Variants in ATN1 observed in about 807,000 individuals in gnomAD.
ATN1 encodes atrophin-1.
In ATN1, 19 loss-of-function variants were observed where a neutral mutation model predicts 85.8. The ratio of observed to expected loss-of-function variants is 0.22; its 90% confidence interval spans 0.15 to 0.32. The LOEUF (loss-of-function observed/expected upper bound fraction) is 0.32, where lower values mean the gene tolerates loss of function less well. Among genes scored for constraint, ATN1 ranks in the 10% least tolerant of loss-of-function variants. The pLI is 1.00. For synonymous variants in ATN1, 674 were observed against 657.0 expected (o/e 1.03, Z -0.39); for missense variants, 1,453 against 1,564.5 (o/e 0.93, Z 1.20).
Position 6,937,629 on chromosome 12 carries a change from G to A in ATN1, c.2294+68G>A. 6.9e-7 allele frequency: 1 copy of A among 1,439,922 alleles called. No individual in the cohort carries two copies. Among genetic ancestry groups the A allele is most frequent in the Non-Finnish European group, 9.1e-7 (1 of 1,095,660 alleles). 89.2% of individuals were successfully genotyped at this position (1,439,922 alleles called of 1,614,324 possible). A position where few individuals can be genotyped will look rare whatever the true frequency, so the allele number is the denominator to read the frequency against. ...GACGACAAGGCGGCGACGAGAGAGGGAGTAGCAGGGAGGGGCCTTGCGCTG... is the reference window on the plus strand; with the variant it reads ...GACGACAAGGCGGCGACGAGAGAGGAAGTAGCAGGGAGGGGCCTTGCGCTG... On this transcript the variant is annotated intron_variant, in intron 5 of 9. Coordinates refer to ENST00000396684, the MANE Select transcript of ATN1 (RefSeq NM_001940.4). This position sits in a 1 kb window ranked among gnomAD's most constrained non-coding sequence, Gnocchi z 6.0.
intron 1 of ATN1, among the ~76,000 whole-genome samples, 154 bp downstream of exon 1, chr12:6,928,538 C>T (rs1410131440): frequency 6.7e-6 from 1 of 149,420 alleles, no homozygotes; most frequent in African/African-American, 2.4e-5. Flanking sequence ...CCACTGCGGG[C>T]TCTGCCTGGC....
In ATN1 at chr12:6,941,453, G is replaced by C; in HGVS notation, c.3438G>C (p.Gln1146His). The C allele has an allele frequency of 6.2e-7, 1 of 1,612,878 alleles. No individual in the cohort carries two copies. Among genetic ancestry groups the C allele is most frequent in the Non-Finnish European group, 8.5e-7 (1 of 1,179,894 alleles). Residue 1146 changes from glutamine (Q) to histidine (H), a missense_variant, in exon 9 of 10, where the codon CAG becomes CAC. Coordinates refer to ENST00000396684, the MANE Select transcript of ATN1 (RefSeq NM_001940.4). This position sits in a 1 kb window ranked among gnomAD's most constrained non-coding sequence, Gnocchi z 5.9. ...ATCAGCTGCAGGCCATGCACGCACA[G>C]TCAGCTGAGCTGCAGCGCTTGGCGC... ...AAHQLQAMHA[Q>H]SAELQRLALE...
In ATN1 at chr12:6,935,557, C is replaced by G. The variant is rs781839521; in HGVS notation, c.290C>G (p.Pro97Arg). The G allele has an allele frequency of 7.5e-6, 12 of 1,609,676 alleles. No individual in the cohort carries two copies. In the South Asian group the frequency reaches 1.2e-4, roughly 16 times the overall value. ...PKKTKTEQELPRPQSPSDLDS... is the reference protein window; with the variant it reads ...PKKTKTEQELRRPQSPSDLDS... ...TTCCCTTTTCTACAGCAGGAACTCC[C>G]TCGGCCACAGTCTCCCTCCGATCTG... is the stretch of plus-strand genomic sequence containing the variant. Residue 97 changes from proline to arginine, a missense_variant, in exon 5 of 10, where the codon CCT becomes CGT. Physicochemically the swap from Pro to Arg is moderately radical, Grantham distance 103. Coordinates refer to ENST00000396684, the MANE Select transcript of ATN1 (RefSeq NM_001940.4). The surrounding 1 kb of genome is among the most constrained non-coding windows in gnomAD (Gnocchi z 5.3).
rs1464165564 is a variant in ATN1, at chr12:6,935,729, C to G, written c.462C>G (p.Gly154=). ...DSDSSSGLSQ[G]PARPYHPPPL... is the part of the protein sequence containing the mutation. Reference sequence around the variant, plus strand: ...ACTCATCTTCTGGCCTGTCCCAGGGCCCAGCCCGCCCCTACCACCCACCTC... The same window carrying G: ...ACTCATCTTCTGGCCTGTCCCAGGGGCCAGCCCGCCCCTACCACCCACCTC... Residue 154 remains glycine, a synonymous_variant, in exon 5 of 10, where the codon GGC becomes GGG. Coordinates refer to ENST00000396684, the MANE Select transcript of ATN1 (RefSeq NM_001940.4). The surrounding 1 kb of genome is among the most constrained non-coding windows in gnomAD (Gnocchi z 5.3). The G allele has an allele frequency of 1.9e-6, 3 of 1,613,708 alleles. No homozygotes were observed. Among genetic ancestry groups the G allele is most frequent in the Non-Finnish European group, 2.5e-6 (3 of 1,179,858 alleles).
chr12:6,933,907 C>A lies in ATN1; in HGVS notation c.-95C>A. 6.7e-7 allele frequency: 1 copy of A among 1,493,138 alleles called. No homozygotes were observed. Among genetic ancestry groups the A allele is most frequent in the South Asian group, 1.2e-5 (1 of 82,826 alleles). 92.5% of individuals were successfully genotyped at this position (1,493,138 alleles called of 1,614,324 possible). ...ACTGGAAACTTGGAGATCCTGCTTC[C>A]CAGACCACAGCTGTGGGGAACTTGG... On this transcript the variant is annotated 5_prime_UTR_variant, in exon 2 of 10. Transcript: ENST00000396684.
chr12:6,938,025 A>AGCGCGAGCGCGAGAAG lies in ATN1; in HGVS notation c.2476_2477insCGCGAGCGCGAGAAGG (p.Glu826AlafsTer16). ...GCGAGCGCGAGCGGGAACGCGAGAA[A>AGCGCGAGCGCGAGAAG]GAGCGCGAGCGCGAGAAGGAGCGCG... On this transcript the variant is annotated frameshift_variant, in exon 6 of 10. Transcript: ENST00000396684. LOFTEE classifies it high-confidence loss of function. 4 of 1,545,854 alleles carry AGCGCGAGCGCGAGAAG rather than the reference A, an allele frequency of 2.6e-6. No homozygotes were observed. The highest frequency in any genetic ancestry group is 2.6e-6 in the Non-Finnish European group (3 of 1,146,026).
chr12:6,939,572 G>A (rs1945606530), intron 7 of ATN1, among the ~76,000 whole-genome samples: 1 of 152,162 alleles, frequency 6.6e-6, no homozygotes, highest in Non-Finnish European at 1.5e-5. Flanking sequence ...CGCAATCACA[G>A]CTCACTGCAG....
Position 6,938,954 on chromosome 12 carries a change from C to G in ATN1, c.2991C>G (p.Pro997=). ...TCCCCTTTCATCCGAGCCTGGGGCCCCTGGAGCGAGAACGTCTAGCGCTGG... is the reference window on the plus strand; with the variant it reads ...TCCCCTTTCATCCGAGCCTGGGGCCGCTGGAGCGAGAACGTCTAGCGCTGG... ...HPFPFHPSLG[P]LERERLALAA... Residue 997 remains proline (P), a synonymous_variant, in exon 7 of 10, where the codon CCC becomes CCG. Transcript: ENST00000396684. The G allele has an allele frequency of 6.2e-7, 1 of 1,613,874 alleles. No individual in the cohort carries two copies. The highest frequency in any genetic ancestry group is 8.5e-7 in the Non-Finnish European group (1 of 1,179,998).
At position 6,937,749 on chromosome 12, in the gene ATN1, A is replaced by C; in HGVS notation, c.2295-96A>C. 1 of 1,459,600 alleles carries C rather than the reference A, an allele frequency of 6.9e-7. No homozygotes were observed. 90.4% of individuals were successfully genotyped at this position (1,459,600 alleles called of 1,614,324 possible). ...CTCACAGCCTGCAGGGGTGGTTTTG[A>C]GGCGGGGGCTACAAGCACTCGCCGG... On this transcript the variant is annotated intron_variant, in intron 5 of 9. Transcript: ENST00000396684. The surrounding 1 kb of genome is among the most constrained non-coding windows in gnomAD (Gnocchi z 6.0).
chr12:6,930,051 GA>G, intron 1 of ATN1, among the ~76,000 whole-genome samples: 1 of 152,326 alleles, frequency 6.6e-6, no homozygotes. Context: ...TCATGCAGGG[GA>G]AATACTATAG....
chr12:6,931,802 G>A (rs1386534838), intron 1 of ATN1, among the ~76,000 whole-genome samples: 1 of 151,678 alleles, frequency 6.6e-6, no homozygotes, highest in African/African-American at 2.4e-5. Context: ...GGAAGGCCGA[G>A]GCAGGCAGAT....
At chr12:6,931,719 A>G (rs1315767533) in intron 1 of ATN1, among the ~76,000 whole-genome samples, 2 of 148,818 alleles carry the variant, frequency 1.3e-5, no homozygotes, top group Non-Finnish European at 3.0e-5. Context: ...CCATCTCAAA[A>G]AAAAAAAAAA....
In ATN1 at chr12:6,941,328, A is replaced by T; in HGVS notation, c.3359-46A>T. The T allele has an allele frequency of 2.6e-6, 4 of 1,544,492 alleles. No individual in the cohort carries two copies. The highest frequency in any genetic ancestry group is 3.5e-6 in the Non-Finnish European group (4 of 1,146,082). On this transcript the variant is annotated intron_variant, in intron 8 of 9. Transcript: ENST00000396684. This position sits in a 1 kb window ranked among gnomAD's most constrained non-coding sequence, Gnocchi z 5.9. ...GGCTATCCCCTGGTCCAGAGCAGGT[A>T]CTTGTTATCCGTTGGTCATATGCCC...
chr12:6,936,728 A>ACAGCAGCAACAG lies in ATN1; in HGVS notation c.1469_1470insACAGCAGCAGCA (p.Gln499_Gln502dup), dbSNP rs782630098. ...ATCACCATCACCACCAGCAACAGCAACAGCAGCAGCAGCAGCAGCAGCAGC... is the reference window on the plus strand; with the variant it reads ...ATCACCATCACCACCAGCAACAGCAACAGCAGCAACAGCAGCAGCAGCAGCAGCAGCAGCAGC... On this transcript the variant is annotated inframe_insertion, in exon 5 of 10. Coordinates refer to ENST00000396684, the MANE Select transcript of ATN1 (RefSeq NM_001940.4). 4 of 1,584,054 alleles carry ACAGCAGCAACAG rather than the reference A, an allele frequency of 2.5e-6. No homozygotes were observed. Among genetic ancestry groups the ACAGCAGCAACAG allele is most frequent in the African/African-American group, 1.4e-5 (1 of 70,990 alleles).
chr12:6,929,996 C>T (rs1945440607), intron 1 of ATN1, among the ~76,000 whole-genome samples: 1 of 152,216 alleles, frequency 6.6e-6, no homozygotes, highest in Non-Finnish European at 1.5e-5. Context: ...CTCCCAGGCC[C>T]ATCCCAGGTG....
chr12:6,937,573 G>A lies in ATN1; in HGVS notation c.2294+12G>A, dbSNP rs1555144032. ...AGTCAGTCTGCCAGGTGAGCGGCCA[G>A]GTGGGGCGGAGGTGGGCCTGGAAAG... On this transcript the variant is annotated intron_variant, in intron 5 of 9. Transcript: ENST00000396684. This position sits in a 1 kb window ranked among gnomAD's most constrained non-coding sequence, Gnocchi z 6.0. 2 of 1,485,170 alleles carry A rather than the reference G, an allele frequency of 1.3e-6. No individual in the cohort carries two copies. Among genetic ancestry groups the A allele is most frequent in the East Asian group, 2.5e-5 (1 of 40,734 alleles). The allele number at this position is 1,485,170 out of a possible 1,614,324, so 92.0% of individuals were successfully genotyped here. A position where few individuals can be genotyped will look rare whatever the true frequency, so the allele number is the denominator to read the frequency against.
In ATN1 at chr12:6,936,005, C is replaced by A. The variant is rs145331713; in HGVS notation, c.738C>A (p.Gly246=). ...GAGGGGCTGCCTCATCAGTGGGGGG[C>A]CCTAATGGGGGTAAGCAGCACCCCC... ...KGGGAASSVG[G]PNGGKQHPPP... Residue 246 remains glycine, a synonymous_variant, in exon 5 of 10, where the codon GGC becomes GGA. Coordinates refer to ENST00000396684, the MANE Select transcript of ATN1 (RefSeq NM_001940.4). The A allele has an allele frequency of 1.2e-3, 1,869 of 1,587,856 alleles. No homozygotes were observed. Among genetic ancestry groups the A allele is most frequent in the Non-Finnish European group, 1.5e-3 (1,696 of 1,166,990 alleles).
At position 6,937,368 on chromosome 12, in the gene ATN1, G is replaced by A. The variant is rs1443453989; in HGVS notation, c.2101G>A (p.Gly701Arg). Residue 701 changes from glycine (G) to arginine (R), a missense_variant, in exon 5 of 10, where the codon GGG becomes AGG. Gly to Arg is a moderately radical substitution (Grantham distance 125). Around this residue, in one of 6 missense-constraint regions of ATN1, gnomAD observed 990 missense variants for 914.8 expected, o/e 1.08. Coordinates refer to ENST00000396684, the MANE Select transcript of ATN1 (RefSeq NM_001940.4). This position sits in a 1 kb window ranked among gnomAD's most constrained non-coding sequence, Gnocchi z 6.0. ...GGGACCTGGGCCCCTGCCACCTGCGGGGCCCTCAGGCCTGCCATCGCTGCC... is the reference window on the plus strand; with the variant it reads ...GGGACCTGGGCCCCTGCCACCTGCGAGGCCCTCAGGCCTGCCATCGCTGCC... ...TVGPGPLPPA[G>R]PSGLPSLPPP... is the part of the protein sequence containing the mutation. The A allele has an allele frequency of 3.9e-6, 6 of 1,550,412 alleles. No individual in the cohort carries two copies. The highest frequency in any genetic ancestry group is 5.2e-6 in the Non-Finnish European group (6 of 1,148,584).
chr12:6,937,449 CAGG>C lies in ATN1; in HGVS notation c.2185_2187del (p.Glu729del). ...GCCCCTGAGCGCCACGCAGATCAAACAGGAGCCGGCTGAGGAGTATGAGACCCC... is the reference window on the plus strand; with the variant it reads ...GCCCCTGAGCGCCACGCAGATCAAACAGCCGGCTGAGGAGTATGAGACCCC... On this transcript the variant is annotated inframe_deletion, in exon 5 of 10. Coordinates refer to ENST00000396684, the MANE Select transcript of ATN1 (RefSeq NM_001940.4). The surrounding 1 kb of genome is among the most constrained non-coding windows in gnomAD (Gnocchi z 6.0). 1.3e-6 allele frequency: 2 copies of C among 1,547,122 alleles called. No homozygotes were observed. The highest frequency in any genetic ancestry group is 1.7e-6 in the Non-Finnish European group (2 of 1,147,220).
Sources: gnomAD v4.1 joint callset for allele counts (sites outside exome capture counted in the v4.1 genomes callset) on GRCh38, gnomAD v4.1.1 for gene constraint, gnomAD v4.1.1 regional missense constraint, Gnocchi (gnomAD v3.1) non-coding constraint, MANE v1.5 for transcripts, NCBI Gene and HGNC (gene_info 2026-07-23, HGNC 2026-07-21) for gene names.